SMARCA2: variants seen among roughly 807,000 people sequenced by gnomAD.
SMARCA2 encodes SWI/SNF related BAF chromatin remodeling complex subunit ATPase 2.
In SMARCA2, 61 loss-of-function variants were observed where a neutral mutation model predicts 199.8. That is an observed-to-expected ratio of 0.31 (90% CI 0.25 to 0.38). The LOEUF is 0.38. SMARCA2 is among the 10% of genes least tolerant of loss of function. The probability of loss-of-function intolerance (pLI) is 1.00; values close to 1 mark genes in which losing one functional copy is unlikely to be tolerated. For synonymous variants in SMARCA2, 935 were observed against 732.0 expected (o/e 1.28, Z -4.48); for missense variants, 1,344 against 2,012.2 (o/e 0.67, Z 6.35).
intron 5 of SMARCA2, among the ~76,000 whole-genome samples, chr9:2,052,956 A>G (rs1170833563): frequency 2.6e-5 from 4 of 152,294 alleles, no homozygotes; most frequent in Non-Finnish European, 4.4e-5. Flanking sequence ...AAAAACTGTA[A>G]TATTCATTTT....
In SMARCA2 at chr9:2,182,206, T is replaced by C. The variant is rs777200742; in HGVS notation, c.4425T>C (p.Cys1475=). ...GDLEKDVMLL[C]HNAQTFNLEG... Reference sequence around the variant, plus strand: ...TGGAGAAGGATGTCATGCTTCTCTGTCACAACGCTCAGACGTTCAACCTGG... The same window carrying C: ...TGGAGAAGGATGTCATGCTTCTCTGCCACAACGCTCAGACGTTCAACCTGG... The change falls in exon 31 of 34, where the codon TGT becomes TGC. Residue 1475 remains cysteine, a synonymous_variant. Coordinates refer to ENST00000349721, the MANE Select transcript of SMARCA2 (RefSeq NM_003070.5). 8.1e-6 allele frequency: 13 copies of C among 1,613,656 alleles called. No homozygotes were observed. Among genetic ancestry groups the C allele is most frequent in the Middle Eastern group, 1.7e-4 (1 of 6,060 alleles).
At chr9:2,088,311 G>A (rs549134592) in intron 18 of SMARCA2, among the ~76,000 whole-genome samples, 189 bp from the exon 19 acceptor site, 3 of 152,234 alleles carry the variant, frequency 2.0e-5, no homozygotes, top group African/African-American at 7.2e-5. Context: ...CTATTTAGAG[G>A]TCATTTTGTT....
Position 2,056,484 on chromosome 9 carries a change from T to C in SMARCA2, c.1174-188T>C, listed in dbSNP as rs185759632. 6.6e-6 allele frequency among the ~76,000 whole-genome samples: 1 copy of C among 152,334 alleles called. No individual in the cohort carries two copies. ...ATTTGGGGAGAAAAATCTTGTACCG[T>C]TCTTGAAAATATTGCATACATTTGG... On this transcript the variant is annotated intron_variant, in intron 6 of 33. Transcript: ENST00000349721. This position sits in a 1 kb window ranked among gnomAD's most constrained non-coding sequence, Gnocchi z 4.0.
intron 3 of SMARCA2, among the ~76,000 whole-genome samples, chr9:2,037,253 A>G (rs1024082161): frequency 3.9e-5 from 6 of 152,252 alleles, no homozygotes; most frequent in African/African-American, 2.4e-5. Flanking sequence ...TTGTTATAAT[A>G]ACAACATGTC....
intron 25 of SMARCA2, among the ~76,000 whole-genome samples, chr9:2,117,272 G>A (rs577965609): frequency 6.6e-6 from 1 of 152,006 alleles, no homozygotes; most frequent in South Asian, 2.1e-4. Context: ...TTTGCAAATT[G>A]AAGAGCACTT....
intron 4 of SMARCA2, among the ~76,000 whole-genome samples, chr9:2,046,931 C>G (rs1016296747): frequency 1.3e-5 from 2 of 152,194 alleles, no homozygotes; most frequent in African/African-American, 4.8e-5. Flanking sequence ...ATCATTTGCA[C>G]CCGTGTTCGT....
chr9:2,041,667 G>A (rs1819608995), intron 4 of SMARCA2: 1 of 344,272 alleles, frequency 2.9e-6, no homozygotes, highest in Non-Finnish European at 5.2e-6. Flanking sequence ...CAGAATTTCT[G>A]TGTGGCTACC....
intron 14 of SMARCA2, among the ~76,000 whole-genome samples, chr9:2,078,086 T>A (rs1821405082): frequency 6.6e-6 from 1 of 152,226 alleles, no homozygotes; most frequent in African/African-American, 2.4e-5. Context: ...CATCTTGAAG[T>A]ATTTCTTTAA....
chr9:2,131,746 C>G (rs187639144), intron 27 of SMARCA2, among the ~76,000 whole-genome samples: 1 of 151,990 alleles, frequency 6.6e-6, no homozygotes, highest in Non-Finnish European at 1.5e-5. Flanking sequence ...TTTGGGAGGT[C>G]GAGGCCAGCA....
chr9:2,171,432 T>C (rs763985996), intron 29 of SMARCA2, among the ~76,000 whole-genome samples: 2 of 152,330 alleles, frequency 1.3e-5, no homozygotes, highest in Middle Eastern at 3.4e-3. Flanking sequence ...CTTCTTTATA[T>C]AAGGAGATTA....
chr9:2,185,672 G>A (rs952884437), intron 31 of SMARCA2, among the ~76,000 whole-genome samples: 15 of 152,188 alleles, frequency 9.9e-5, no homozygotes, highest in African/African-American at 3.6e-4. Flanking sequence ...TTGGATAAGT[G>A]TTGGCTGCTA....
intron 2 of SMARCA2, among the ~76,000 whole-genome samples, chr9:2,029,524 T>A (rs953531532): frequency 5.3e-5 from 8 of 152,196 alleles, no homozygotes; most frequent in Admixed American, 4.6e-4. Context: ...TTGAAGGTAT[T>A]TTTGTCTTGG....
intron 31 of SMARCA2, among the ~76,000 whole-genome samples, chr9:2,185,184 C>T (rs1827349801): frequency 6.6e-6 from 1 of 152,170 alleles, no homozygotes; most frequent in South Asian, 2.1e-4. Flanking sequence ...TAACTCTCAT[C>T]TCCTTCCCCC....
In SMARCA2 at chr9:2,025,338, C is replaced by A. The variant is rs1343693791; in HGVS notation, c.-36-3649C>A. Among the ~76,000 whole-genome samples the A allele has an allele frequency of 3.3e-5, 5 of 152,194 alleles. No individual in the cohort carries two copies. The East Asian group carries it at 7.7e-4, about 23-fold the overall frequency. ...ATGTGTATGGGGAGGTTGCTGTGCC[C>A]CCCTCTCCCCAGATACATTTTTGTC... On this transcript the variant is annotated intron_variant, in intron 1 of 33. Transcript: ENST00000349721.
chr9:2,057,999 G>A (rs907845827), intron 7 of SMARCA2, among the ~76,000 whole-genome samples: 1 of 152,106 alleles, frequency 6.6e-6, no homozygotes, highest in Non-Finnish European at 1.5e-5. Context: ...CATTTTGTAG[G>A]TCTCTTTCAG....
intron 9 of SMARCA2, among the ~76,000 whole-genome samples, chr9:2,069,277 C>A (rs552419104): frequency 1.3e-5 from 2 of 151,656 alleles, no homozygotes; most frequent in East Asian, 3.9e-4. Context: ...AGTTAATGGA[C>A]TAAGATATTG....
chr9:2,129,604 G>A (rs751203732), intron 27 of SMARCA2, among the ~76,000 whole-genome samples: 5 of 152,128 alleles, frequency 3.3e-5, no homozygotes, highest in Non-Finnish European at 5.9e-5. Context: ...ACAATGTATA[G>A]GCATGATTGA....
At chr9:2,137,792 A>G (rs901161215) in intron 27 of SMARCA2, among the ~76,000 whole-genome samples, 13 of 152,178 alleles carry the variant, frequency 8.5e-5, no homozygotes, top group African/African-American at 2.9e-4. Flanking sequence ...GGATAAGTGA[A>G]TATACTAGGC....
chr9:2,187,313 C>T (rs1432310344), intron 32 of SMARCA2, among the ~76,000 whole-genome samples: 7 of 152,102 alleles, frequency 4.6e-5, no homozygotes, highest in Admixed American at 2.0e-4. Context: ...CATTGTTTGA[C>T]CCTAGTTCCA....
Sources: allele counts gnomAD v4.1 joint callset (sites outside exome capture counted in the v4.1 genomes callset), GRCh38; gene constraint gnomAD v4.1.1; non-coding constraint Gnocchi (gnomAD v3.1); transcripts MANE v1.5; gene names NCBI Gene and HGNC (gene_info 2026-07-23, HGNC 2026-07-21).